The following BRDT variants were observed in gnomAD, a reference collection of about 807,000 sequenced individuals.
BRDT encodes the protein bromodomain testis-specific protein.
Under a neutral mutation model 113.9 loss-of-function variants are expected in BRDT, and 77 were observed. The observed-to-expected ratio is 0.68, with a 90% confidence interval of 0.56 to 0.82. The LOEUF is 0.82. Ranked by LOEUF, BRDT falls within the 40% of genes least tolerant of loss-of-function variation. The pLI is 0.00. For synonymous variants in BRDT, 358 were observed against 366.5 expected, an observed-to-expected ratio of 0.98 and a Z score of 0.26; for missense variants, 1,027 against 1,105.4, an observed-to-expected ratio of 0.93 and a Z score of 1.01.
chr1:91,986,584 A>T (rs1685261082), intron 12 of BRDT, among the ~76,000 whole-genome samples: 1 of 152,158 alleles, frequency 6.6e-6, no homozygotes, highest in Non-Finnish European at 1.5e-5. Flanking sequence ...TTTGCATTTT[A>T]TTGGATTTAG....
At chr1:91,973,790 C>T (rs1683851056) in intron 4 of BRDT, among the ~76,000 whole-genome samples, 1 of 152,128 alleles carries the variant, frequency 6.6e-6, no homozygotes, top group Non-Finnish European at 1.5e-5. Flanking sequence ...TGCCTGATTG[C>T]CTGGGCCAGA....
Position 91,962,961 on chromosome 1 carries a change from A to G in BRDT, c.192+15A>G, listed in dbSNP as rs201337329. The G allele has an allele frequency of 4.6e-6, 7 of 1,511,136 alleles. No homozygotes were observed. Among genetic ancestry groups the G allele is most frequent in the Middle Eastern group, 1.8e-4 (1 of 5,646 alleles). The allele number at this position is 1,511,136 out of a possible 1,614,324, so 93.6% of individuals were successfully genotyped here. ...TACAGTTGCCTGTATGTATGTCTTC[A>G]ACTATGTTAGTTTCAAAAAAAGAAA... On this transcript the variant is annotated intron_variant, in intron 2 of 18. Coordinates refer to ENST00000399546, the MANE Select transcript of BRDT (RefSeq NM_207189.4).
At chr1:91,957,330 A>G (rs1008889242) in intron 1 of BRDT, among the ~76,000 whole-genome samples, 1 of 152,066 alleles carries the variant, frequency 6.6e-6, no homozygotes, top group African/African-American at 2.4e-5. Flanking sequence ...TGTCTCTACT[A>G]AAAATACAAA....
intron 12 of BRDT, among the ~76,000 whole-genome samples, chr1:91,984,349 A>C (rs111463056): frequency 5.3e-4 from 81 of 152,206 alleles, no homozygotes; most frequent in South Asian, 1.9e-3. Context: ...AACACACACA[A>C]AAAAAAGCCC....
At position 92,005,221 on chromosome 1, in the gene BRDT, A is replaced by G. The variant is rs1687195286; in HGVS notation, c.2697A>G (p.Gln899=). 1 of 1,594,508 alleles carries G rather than the reference A, an allele frequency of 6.3e-7. No individual in the cohort carries two copies. The highest frequency in any genetic ancestry group is 8.5e-7 in the Non-Finnish European group (1 of 1,172,142). Reference sequence around the variant, plus strand: ...AACATCAGCAGTCATCAGAAGCTCAAGATAAATCCAAACTCTGGCTTCTCA... The same window carrying G: ...AACATCAGCAGTCATCAGAAGCTCAGGATAAATCCAAACTCTGGCTTCTCA... ...QKEHQQSSEA[Q]DKSKLWLLKD... is the part of the protein sequence containing the mutation. Residue 899 remains glutamine (Q), a synonymous_variant, in exon 18 of 19, where the codon CAA becomes CAG. Transcript: ENST00000399546.
Position 91,968,003 on chromosome 1 carries a change from C to A in BRDT, c.331-143C>A, listed in dbSNP as rs1683244373. ...GAATAAGAAAATAAAATGTGAGCAG[C>A]TTCACTATTTTCTAAATTTATAAGA... On this transcript the variant is annotated intron_variant, in intron 3 of 18. Transcript: ENST00000399546. 4 of 727,828 alleles carry A rather than the reference C, an allele frequency of 5.5e-6. No individual in the cohort carries two copies. In the African/African-American group the frequency reaches 7.0e-5, roughly 13 times the overall value. The allele number at this position is 727,828 out of a possible 1,614,324, so 45.1% of individuals were successfully genotyped here.
chr1:91,970,051 A>G (rs952157113), intron 4 of BRDT, among the ~76,000 whole-genome samples: 1 of 151,804 alleles, frequency 6.6e-6, no homozygotes, highest in African/African-American at 2.4e-5. Context: ...GCTGGTCTCA[A>G]ACTCCTGACC....
intron 15 of BRDT, among the ~76,000 whole-genome samples, chr1:91,995,534 T>A (rs1686235950): frequency 6.6e-6 from 1 of 151,894 alleles, no homozygotes; most frequent in Non-Finnish European, 1.5e-5. Context: ...CTTGGCTCAT[T>A]GCAACCTCCG....
intron 1 of BRDT, among the ~76,000 whole-genome samples, chr1:91,954,806 T>TAA (rs145246425): frequency 6.6e-6 from 1 of 150,622 alleles, no homozygotes; most frequent in South Asian, 2.1e-4. Context: ...CTAAAAAAAT[T>TAA]AAAAAAATTA....
rs551610738 is a variant in BRDT, at chr1:91,976,590, A to C, written c.618+152A>C. ...GAAATAATACTGTTTCCGCCTCTCT[A>C]TGCATTTTATGAATAGACACCTAAG... On this transcript the variant is annotated intron_variant, in intron 5 of 18. Transcript: ENST00000399546. The C allele has an allele frequency of 7.9e-6, 6 of 762,370 alleles. No homozygotes were observed. In the Admixed American group the frequency reaches 1.9e-4, roughly 24 times the overall value. 47.2% of individuals were successfully genotyped at this position (762,370 alleles called of 1,614,324 possible).
intron 12 of BRDT, among the ~76,000 whole-genome samples, chr1:91,989,284 CAT>C (rs1233155424): frequency 7.9e-5 from 12 of 152,010 alleles, no homozygotes; most frequent in African/African-American, 2.7e-4. Flanking sequence ...TATAGATATA[CAT>C]ATATGATCAT....
At chr1:91,995,101 T>C (rs1002689957) in intron 15 of BRDT, among the ~76,000 whole-genome samples, 22 of 152,232 alleles carry the variant, frequency 1.4e-4, no homozygotes, top group Admixed American at 3.9e-4. Context: ...TCAACTTGGT[T>C]CTGGTGGGTT....
chr1:91,968,072 G>A, intron 3 of BRDT, 74 bp from the exon 4 acceptor site: 1 of 1,487,366 alleles, frequency 6.7e-7, no homozygotes, highest in Non-Finnish European at 9.2e-7. Flanking sequence ...CTTCCATAAA[G>A]TGGGCTGAAT....
At chr1:92,011,237 G>A (rs990863121) in intron 18 of BRDT, among the ~76,000 whole-genome samples, 2 of 152,180 alleles carry the variant, frequency 1.3e-5, no homozygotes, top group African/African-American at 2.4e-5. Flanking sequence ...TTACTTTAGA[G>A]CAGTGTGATC....
intron 1 of BRDT, among the ~76,000 whole-genome samples, chr1:91,953,930 T>A (rs1435464774): frequency 6.6e-6 from 1 of 151,980 alleles, no homozygotes; most frequent in Non-Finnish European, 1.5e-5. Context: ...ATACATTTTT[T>A]TTTTTACTTA....
In BRDT at chr1:91,963,992, C is replaced by G. The variant is rs1019167115; in HGVS notation, c.193-635C>G. Among the ~76,000 whole-genome samples, 5 of 152,182 alleles carry G rather than the reference C, an allele frequency of 3.3e-5. 1 individual carries two copies. The highest frequency in any genetic ancestry group is 9.6e-5 in the African/African-American group (4 of 41,544). ...GCTCAAGTGATTCTTGGGCCTCACC[C>G]TCCCAAGTAGCTGGGAAGACAGGCA... On this transcript the variant is annotated intron_variant, in intron 2 of 18. Transcript: ENST00000399546.
At chr1:91,973,463 A>G (rs1160404080) in intron 4 of BRDT, among the ~76,000 whole-genome samples, 1 of 152,080 alleles carries the variant, frequency 6.6e-6, no homozygotes, top group Non-Finnish European at 1.5e-5. Context: ...TTCGTTGAGC[A>G]GTGGTTTGTA....
chr1:91,963,268 G>A (rs185353935), intron 2 of BRDT, among the ~76,000 whole-genome samples: 51 of 152,314 alleles, frequency 3.3e-4, no homozygotes, highest in African/African-American at 1.2e-3. Context: ...GTTGTGGTAA[G>A]CCGAGATTGT....
intron 12 of BRDT, among the ~76,000 whole-genome samples, chr1:91,984,384 T>C (rs889422378): frequency 2.6e-5 from 4 of 152,000 alleles, no homozygotes; most frequent in African/African-American, 9.7e-5. Context: ...AATAAGCAAG[T>C]CAAATCATAT....
Sources: gnomAD v4.1 joint callset for allele counts (sites outside exome capture counted in the v4.1 genomes callset) on GRCh38, gnomAD v4.1.1 for gene constraint, MANE v1.5 for transcripts, NCBI Gene and HGNC (gene_info 2026-07-23, HGNC 2026-07-21) for gene names.